Variants in CTNNA2 observed in about 807,000 individuals in gnomAD.
The protein encoded by CTNNA2 is catenin alpha 2.
CTNNA2 carries 42 observed loss-of-function variants against 101.0 expected under a neutral mutation model. The ratio of observed to expected loss-of-function variants is 0.42; its 90% CI spans 0.32 to 0.54. CTNNA2 has a LOEUF of 0.54. Ranked by LOEUF, CTNNA2 falls within the 20% of genes least tolerant of loss-of-function variation. The pLI is 0.14. For missense variants in CTNNA2, 871 were observed against 1,223.1 expected (o/e 0.71, Z 4.29); for synonymous variants, 450 against 456.4 (o/e 0.99, Z 0.18).
chr2:79,417,691 C>A (rs1309230943), intron 4 of CTNNA2, among the ~76,000 whole-genome samples: 2 of 152,126 alleles, frequency 1.3e-5, no homozygotes, highest in African/African-American at 2.4e-5. Context: ...AACTCAGACA[C>A]TGTTTTGGCA....
chr2:80,558,850 T>A (rs1449326151), intron 12 of CTNNA2, among the ~76,000 whole-genome samples: 2 of 152,116 alleles, frequency 1.3e-5, no homozygotes, highest in African/African-American at 2.4e-5. Context: ...GATTTTTTTG[T>A]TTGATATTTT....
chr2:79,979,214 T>C (rs190211110), intron 7 of CTNNA2, among the ~76,000 whole-genome samples: 15 of 152,204 alleles, frequency 9.9e-5, no homozygotes, highest in African/African-American at 3.6e-4. Flanking sequence ...TGAGACTTCA[T>C]TTCCAAAAAA....
chr2:80,045,562 T>C lies in CTNNA2; in HGVS notation c.1056+135765T>C, dbSNP rs138411037. ...CAGTGAACCGCAAGTTACCATTAAA[T>C]CATTATCAGTAATCACTATCTAAAT... is the stretch of plus-strand genomic sequence containing the variant. On this transcript the variant is annotated intron_variant, in intron 7 of 18. Coordinates refer to ENST00000402739, the MANE Select transcript of CTNNA2 (RefSeq NM_001282597.3). 9.0e-4 allele frequency among the ~76,000 whole-genome samples: 137 copies of C among 152,308 alleles called. 2 individuals carry two copies. Among genetic ancestry groups the C allele is most frequent in the African/African-American group, 3.1e-3 (128 of 41,570 alleles).
intron 2 of CTNNA2, among the ~76,000 whole-genome samples, chr2:79,301,754 C>T (rs1676113256): frequency 6.6e-6 from 1 of 152,080 alleles, no homozygotes; most frequent in Non-Finnish European, 1.5e-5. Context: ...CACCTGGCTC[C>T]CTTGGAGTCA....
intron 7 of CTNNA2, among the ~76,000 whole-genome samples, chr2:80,069,980 A>G (rs1363681051): frequency 6.6e-6 from 1 of 152,218 alleles, no homozygotes; most frequent in African/African-American, 2.4e-5. Context: ...AGGGCATGGT[A>G]ATACTAAACT....
chr2:79,208,072 C>T (rs1572978872), intron 2 of CTNNA2, among the ~76,000 whole-genome samples: 1 of 152,170 alleles, frequency 6.6e-6, no homozygotes, highest in East Asian at 1.9e-4. Flanking sequence ...TCCCTTCTCC[C>T]TCCTGATTCC....
intron 7 of CTNNA2, among the ~76,000 whole-genome samples, chr2:80,358,854 C>T (rs559712662): frequency 1.1e-4 from 17 of 151,712 alleles, no homozygotes; most frequent in East Asian, 1.9e-4. Context: ...ATATAACAAA[C>T]GGAACAGAAA....
intron 9 of CTNNA2, among the ~76,000 whole-genome samples, chr2:80,532,446 G>T (rs936165065): frequency 1.3e-5 from 2 of 152,140 alleles, no homozygotes; most frequent in Non-Finnish European, 2.9e-5. Flanking sequence ...TAGATCTGCT[G>T]TAGAGGTATC....
intron 7 of CTNNA2, among the ~76,000 whole-genome samples, chr2:79,997,329 G>A (rs893267919): frequency 5.3e-5 from 8 of 150,980 alleles, no homozygotes; most frequent in Non-Finnish European, 1.2e-4. Flanking sequence ...GAGAGGGAGG[G>A]AGGGAAGGAA....
intron 7 of CTNNA2, among the ~76,000 whole-genome samples, chr2:80,118,165 C>T (rs1405459027): frequency 6.6e-6 from 1 of 152,158 alleles, no homozygotes; most frequent in Non-Finnish European, 1.5e-5. Context: ...AATTGGTATT[C>T]TTTTGATGAC....
At chr2:80,346,091 T>C (rs1487459458) in intron 7 of CTNNA2, among the ~76,000 whole-genome samples, 1 of 152,198 alleles carries the variant, frequency 6.6e-6, no homozygotes, top group East Asian at 1.9e-4. Context: ...GGAATTCAGA[T>C]CTGTTTATTT....
chr2:79,663,959 T>A (rs6759387), intron 2 of CTNNA2, among the ~76,000 whole-genome samples: 80,347 of 152,042 alleles, frequency 0.53, 21,436 homozygotes, highest in East Asian at 0.76. Flanking sequence ...AGTAGTAAAA[T>A]GTAATTGTAT....
intron 16 of CTNNA2, among the ~76,000 whole-genome samples, chr2:80,606,430 A>C (rs1473863829): frequency 6.6e-6 from 1 of 150,850 alleles, no homozygotes; most frequent in Non-Finnish European, 1.5e-5. Flanking sequence ...GGATACATTT[A>C]TTTTGAGATT....
intron 7 of CTNNA2, among the ~76,000 whole-genome samples, chr2:80,165,642 C>T (rs1704631386): frequency 6.6e-6 from 1 of 152,132 alleles, no homozygotes; most frequent in Non-Finnish European, 1.5e-5. Context: ...CTTTTCATGT[C>T]TCCTGTGCTG....
intron 8 of CTNNA2, among the ~76,000 whole-genome samples, chr2:80,400,516 T>G (rs1678459235): frequency 6.6e-6 from 1 of 152,146 alleles, no homozygotes; most frequent in African/African-American, 2.4e-5. Flanking sequence ...GATGCTAGTT[T>G]TAACAACCCT....
At chr2:80,558,524 G>A (rs1386341577) in intron 12 of CTNNA2, among the ~76,000 whole-genome samples, 1 of 151,738 alleles carries the variant, frequency 6.6e-6, no homozygotes, top group African/African-American at 2.4e-5. Context: ...TACTTCTAAT[G>A]TCATTGTATG....
chr2:79,760,579 A>G (rs1413592183), intron 3 of CTNNA2, among the ~76,000 whole-genome samples: 5 of 152,154 alleles, frequency 3.3e-5, no homozygotes, highest in Non-Finnish European at 7.3e-5. Context: ...AATCTTCTTT[A>G]CTTAAATGTT....
intron 7 of CTNNA2, among the ~76,000 whole-genome samples, chr2:79,964,968 G>A (rs1052307307): frequency 6.6e-6 from 1 of 152,136 alleles, no homozygotes; most frequent in African/African-American, 2.4e-5. Flanking sequence ...ACATTAAGTG[G>A]CAAGGGATAC....
intron 3 of CTNNA2, among the ~76,000 whole-genome samples, chr2:79,359,520 G>A (rs1449287520): frequency 6.6e-6 from 1 of 152,174 alleles, no homozygotes; most frequent in Non-Finnish European, 1.5e-5. Flanking sequence ...AGGCATGGCA[G>A]TAACATTTAT....
Sources: allele counts gnomAD v4.1 joint callset (sites outside exome capture counted in the v4.1 genomes callset), GRCh38; gene constraint gnomAD v4.1.1; transcripts MANE v1.5; gene names NCBI Gene and HGNC (gene_info 2026-07-23, HGNC 2026-07-21).